Variants in RGS4 observed in about 807,000 individuals in gnomAD.
The protein encoded by RGS4 is regulator of G protein signaling 4, also known as schizophrenia disorder 9.
RGS4 carries 15 observed loss-of-function variants against 21.6 expected under a neutral mutation model. The observed-to-expected ratio is 0.69, with a 90% CI of 0.46 to 1.07. RGS4 has a LOEUF of 1.07. RGS4 is among the 50% of genes least tolerant of loss of function. The probability of loss-of-function intolerance (pLI) is 0.00; values close to 1 mark genes in which losing one functional copy is unlikely to be tolerated. For synonymous variants in RGS4, 94 were observed against 85.5 expected, an observed-to-expected ratio of 1.10 and a Z score of -0.55; for missense variants, 237 against 239.0, an observed-to-expected ratio of 0.99 and a Z score of 0.06.
At chr1:163,071,245 C>A (rs992342149) in intron 1 of RGS4, among the ~76,000 whole-genome samples, 1 of 152,038 alleles carries the variant, frequency 6.6e-6, no homozygotes, top group African/African-American at 2.4e-5. Context: ...GGAAAGTAAT[C>A]TTGCGAGGAA....
intron 1 of RGS4, 120 bp from the exon 2 acceptor site, chr1:163,072,275 C>T (rs1655343699): frequency 4.5e-6 from 4 of 888,242 alleles, no homozygotes; most frequent in Non-Finnish European, 5.0e-6. Context: ...ACTCCAACTC[C>T]CGTTCCCTAA....
intron 4 of RGS4, 64 bp downstream of exon 4, chr1:163,073,686 C>T (rs1571162760): frequency 9.4e-7 from 1 of 1,066,428 alleles, no homozygotes; most frequent in East Asian, 2.6e-5. Flanking sequence ...TATTTTGATA[C>T]ATGCATACAA....
chr1:163,071,735 C>T (rs1655308569), intron 1 of RGS4, among the ~76,000 whole-genome samples: 1 of 151,302 alleles, frequency 6.6e-6, no homozygotes, highest in Non-Finnish European at 1.5e-5. Flanking sequence ...AGAAAGAAGC[C>T]CCAAGAAGCT....
chr1:163,072,747 T>C, intron 2 of RGS4, 58 bp from the exon 3 acceptor site: 1 of 1,445,680 alleles, frequency 6.9e-7, no homozygotes, highest in Non-Finnish European at 9.7e-7. Context: ...TTAGATTTCT[T>C]GCCCCAATTT....
At chr1:163,073,352 G>A in intron 3 of RGS4, 104 bp from the exon 4 acceptor site, 6 of 933,556 alleles carry the variant, frequency 6.4e-6, no homozygotes, top group Non-Finnish European at 9.4e-6. Flanking sequence ...GGGATTGCTT[G>A]AATCCATGCT....
At chr1:163,069,219 A>ATGC, upstream of RGS4, 7 of 1,533,264 alleles carry the variant, frequency 4.6e-6, 1 homozygote, top group African/African-American at 6.9e-5. Context: ...AACATTGCTG[A>ATGC]TGCGTCAGTC....
In RGS4 at chr1:163,069,544, G is replaced by T. The variant is rs190302513; in HGVS notation, c.44+16G>T. The T allele has an allele frequency of 1.2e-6, 2 of 1,603,098 alleles. No homozygotes were observed. The highest frequency in any genetic ancestry group is 3.4e-5 in the Admixed American group (2 of 59,466). On this transcript the variant is annotated intron_variant, in intron 1 of 4. Coordinates refer to ENST00000367909, the MANE Select transcript of RGS4 (RefSeq NM_005613.6). Reference sequence around the variant, plus strand: ...GCTTGAGGAGGTAAGATTGCTTTCAGCCATTAACCATATTAAACTTTTGGC... The same window carrying T: ...GCTTGAGGAGGTAAGATTGCTTTCATCCATTAACCATATTAAACTTTTGGC...
At chr1:163,069,064 C>T, upstream of RGS4, 5 of 1,535,810 alleles carry the variant, frequency 3.3e-6, no homozygotes, top group Non-Finnish European at 4.4e-6. Context: ...TTTTTACAGG[C>T]ATATGAATAA....
chr1:163,073,287 A>G (rs528968052), intron 3 of RGS4, among the ~76,000 whole-genome samples, 169 bp from the exon 4 acceptor site: 5 of 152,276 alleles, frequency 3.3e-5, no homozygotes, highest in Admixed American at 2.6e-4. Flanking sequence ...ACTGGATATC[A>G]AACACAGATT....
chr1:163,071,249 C>G (rs567908824), intron 1 of RGS4, among the ~76,000 whole-genome samples: 1 of 152,024 alleles, frequency 6.6e-6, no homozygotes, highest in Non-Finnish European at 1.5e-5. Context: ...AGTAATCTTG[C>G]GAGGAAGAGA....
rs1366939466 is a variant in RGS4, at chr1:163,072,427, T to A, written c.77T>A (p.Leu26Gln). 1 of 1,613,136 alleles carries A rather than the reference T, an allele frequency of 6.2e-7. No individual in the cohort carries two copies. Among genetic ancestry groups the A allele is most frequent in the African/African-American group, 1.3e-5 (1 of 74,880 alleles). Residue 26 changes from leucine to glutamine, a missense_variant, in exon 2 of 5, where the codon CTG becomes CAG. Transcript: ENST00000367909. Reference sequence around the variant, plus strand: ...GATATGAAACATCGGCTAGGTTTCCTGCTGCAAAAATCTGATTCCTGTGAA... The same window carrying A: ...GATATGAAACATCGGCTAGGTTTCCAGCTGCAAAAATCTGATTCCTGTGAA... ...AKDMKHRLGFLLQKSDSCEHN... is the reference protein window; with the variant it reads ...AKDMKHRLGFQLQKSDSCEHN...
At chr1:163,072,983 T>C in intron 3 of RGS4, 117 bp downstream of exon 3, 2 of 773,328 alleles carry the variant, frequency 2.6e-6, no homozygotes, top group Non-Finnish European at 4.2e-6. Context: ...CTCAGGAGAC[T>C]CTTTAGGTCT....
intron 1 of RGS4, among the ~76,000 whole-genome samples, chr1:163,071,277 C>T (rs1219773888): frequency 6.6e-6 from 1 of 152,098 alleles, no homozygotes; most frequent in Non-Finnish European, 1.5e-5. Flanking sequence ...ATTTAAGGGA[C>T]AGTCAGAGAA....
chr1:163,072,722 C>T, intron 2 of RGS4, 83 bp from the exon 3 acceptor site: 1 of 1,205,084 alleles, frequency 8.3e-7, no homozygotes, highest in Non-Finnish European at 1.2e-6. Flanking sequence ...AAAATCTTTG[C>T]CTTCATTCAG....
chr1:163,070,081 A>T (rs935517059), intron 1 of RGS4, among the ~76,000 whole-genome samples: 1 of 152,190 alleles, frequency 6.6e-6, no homozygotes, highest in Non-Finnish European at 1.5e-5. Context: ...GATCTTCCTT[A>T]TCTCTCTGCC....
intron 1 of RGS4, 175 bp from the exon 2 acceptor site, chr1:163,072,220 C>T (rs918717888): frequency 5.0e-6 from 4 of 800,616 alleles, no homozygotes; most frequent in African/African-American, 7.1e-5. Context: ...TGTAGCAAGT[C>T]ATAGGGAACC....
chr1:163,072,982 C>A, intron 3 of RGS4, 116 bp downstream of exon 3: 1 of 775,048 alleles, frequency 1.3e-6, no homozygotes, highest in South Asian at 1.8e-5. Flanking sequence ...ACTCAGGAGA[C>A]TCTTTAGGTC....
upstream of RGS4, chr1:163,069,223 G>T: frequency 2.6e-6 from 4 of 1,534,726 alleles, no homozygotes; most frequent in Non-Finnish European, 3.5e-6. Flanking sequence ...TTGCTGATGC[G>T]TCAGTCTTTT....
intron 1 of RGS4, among the ~76,000 whole-genome samples, chr1:163,071,341 G>A (rs961706828): frequency 1.3e-5 from 2 of 152,030 alleles, no homozygotes; most frequent in African/African-American, 4.8e-5. Context: ...TGTATTAGTG[G>A]CCATCCTAAA....
Sources: gnomAD v4.1 joint callset for allele counts (sites outside exome capture counted in the v4.1 genomes callset) on GRCh38, gnomAD v4.1.1 for gene constraint, MANE v1.5 for transcripts, NCBI Gene and HGNC (gene_info 2026-07-23, HGNC 2026-07-21) for gene names.